MLXIP: variants seen among roughly 807,000 people sequenced by gnomAD.
MLXIP encodes MLX interacting protein.
A neutral mutation model predicts 87.2 loss-of-function variants in MLXIP; 30 were observed. The observed-to-expected ratio is 0.34, with a 90% CI of 0.26 to 0.47. The LOEUF (loss-of-function observed/expected upper bound fraction) is 0.47, where lower values mean the gene tolerates loss of function less well. Ranked by LOEUF, MLXIP falls within the 20% of genes least tolerant of loss-of-function variation. The pLI is 1.00. For missense variants in MLXIP, 1,002 were observed against 1,240.1 expected, an observed-to-expected ratio of 0.81 and a Z score of 2.88; for synonymous variants, 530 against 514.0, an observed-to-expected ratio of 1.03 and a Z score of -0.42.
At chr12:122,125,254 G>T (rs1188162731) in intron 1 of MLXIP, among the ~76,000 whole-genome samples, 1 of 150,322 alleles carries the variant, frequency 6.7e-6, no homozygotes, top group Non-Finnish European at 1.5e-5. Context: ...ATCGCTTGAA[G>T]CCAGGAGGCG....
Position 122,138,314 on chromosome 12 carries a change from G to A in MLXIP, c.2256+19G>A. 1.2e-6 allele frequency: 2 copies of A among 1,613,600 alleles called. No individual in the cohort carries two copies. Among genetic ancestry groups the A allele is most frequent in the Non-Finnish European group, 1.7e-6 (2 of 1,179,630 alleles). On this transcript the variant is annotated intron_variant, in intron 13 of 16. Coordinates refer to ENST00000319080, the MANE Select transcript of MLXIP (RefSeq NM_014938.6). ...CAAGCTGGTGAGTTGCCAAGAGCGT[G>A]GGCTGTGGCAGGGCAGGGGAGCTGG...
At position 122,142,325 on chromosome 12, in the gene MLXIP, A is replaced by C. The variant is rs1953224183; in HGVS notation, c.*513A>C. On this transcript the variant is annotated 3_prime_UTR_variant, in exon 17 of 17. Transcript: ENST00000319080. ...TCTTTCTCCCCTCAACTCTGACAGC[A>C]CCCAGCCCTTGTGGATGGACTTGGG... 1 of 633,892 alleles carries C rather than the reference A, an allele frequency of 1.6e-6. No individual in the cohort carries two copies. Among genetic ancestry groups the C allele is most frequent in the Non-Finnish European group, 2.9e-6 (1 of 340,996 alleles). The allele number at this position is 633,892 out of a possible 1,614,324, so 39.3% of individuals were successfully genotyped here.
intron 1 of MLXIP, among the ~76,000 whole-genome samples, chr12:122,110,813 C>T (rs905802152): frequency 6.6e-6 from 1 of 151,850 alleles, no homozygotes; most frequent in African/African-American, 2.4e-5. Context: ...CGCAGTGGCT[C>T]ACGCCTGTAA....
In MLXIP at chr12:122,142,065, T is replaced by C; in HGVS notation, c.*253T>C. On this transcript the variant is annotated 3_prime_UTR_variant, in exon 17 of 17. Coordinates refer to ENST00000319080, the MANE Select transcript of MLXIP (RefSeq NM_014938.6). ...AGTGACCTCAGTCACCAACCTCCTC[T>C]GCCCTCGGGGCAGCCCACACAAAAG... The C allele has an allele frequency of 1.5e-6, 1 of 674,862 alleles. No individual in the cohort carries two copies. Among genetic ancestry groups the C allele is most frequent in the Non-Finnish European group, 2.7e-6 (1 of 376,396 alleles). 41.8% of individuals were successfully genotyped at this position (674,862 alleles called of 1,614,324 possible).
At position 122,137,442 on chromosome 12, in the gene MLXIP, C is replaced by T. The variant is rs1346823975; in HGVS notation, c.2033-27C>T. 3 of 1,600,330 alleles carry T rather than the reference C, an allele frequency of 1.9e-6. No homozygotes were observed. Among genetic ancestry groups the T allele is most frequent in the Non-Finnish European group, 2.6e-6 (3 of 1,173,144 alleles). On this transcript the variant is annotated intron_variant, in intron 11 of 16. Coordinates refer to ENST00000319080, the MANE Select transcript of MLXIP (RefSeq NM_014938.6). The surrounding 1 kb of genome is among the most constrained non-coding windows in gnomAD (Gnocchi z 4.1). The stretch of plus-strand genomic sequence containing the variant: ...GTGGCGTTGAGGGGCCAGGCCTCCG[C>T]CCCTCAGAGGAGTCTGTTCTTACCA...
chr12:122,124,674 C>T (rs1007012469), intron 1 of MLXIP, among the ~76,000 whole-genome samples: 1 of 151,458 alleles, frequency 6.6e-6, no homozygotes, highest in Non-Finnish European at 1.5e-5. Context: ...TTGTTAAAAA[C>T]ATCATACCCT....
intron 1 of MLXIP, among the ~76,000 whole-genome samples, chr12:122,119,796 G>A (rs1952751264): frequency 6.6e-6 from 1 of 152,182 alleles, no homozygotes; most frequent in African/African-American, 2.4e-5. Flanking sequence ...TCACGTCTTT[G>A]TGCCCATGTG....
intron 1 of MLXIP, among the ~76,000 whole-genome samples, chr12:122,091,173 T>A (rs1165945331): frequency 6.6e-6 from 1 of 152,176 alleles, no homozygotes; most frequent in Non-Finnish European, 1.5e-5. Context: ...TTCAACATTA[T>A]CTTTAGGAAT....
intron 1 of MLXIP, among the ~76,000 whole-genome samples, chr12:122,110,859 C>T (rs568847949): frequency 1.3e-5 from 2 of 151,962 alleles, no homozygotes; most frequent in South Asian, 2.1e-4. Context: ...GGGCGGATCA[C>T]GAGGTCAGGA....
intron 2 of MLXIP, among the ~76,000 whole-genome samples, 188 bp from the exon 3 acceptor site, chr12:122,127,695 C>T (rs1254007243): frequency 6.6e-6 from 1 of 152,152 alleles, no homozygotes; most frequent in African/African-American, 2.4e-5. Flanking sequence ...CTGAGGCGTT[C>T]GTTATTGACA....
chr12:122,107,202 C>T (rs959803529), intron 1 of MLXIP, among the ~76,000 whole-genome samples: 11 of 152,234 alleles, frequency 7.2e-5, no homozygotes, highest in Non-Finnish European at 1.0e-4. Flanking sequence ...GGCATTTCCT[C>T]GTGGCGGGAG....
At position 122,078,764 on chromosome 12, in the gene MLXIP, C is replaced by CGCGGGCCGGGCCGGGCCG; in HGVS notation, c.-86_-69dup. 2.0e-6 allele frequency: 2 copies of CGCGGGCCGGGCCGGGCCG among 1,005,742 alleles called. No homozygotes were observed. Among genetic ancestry groups the CGCGGGCCGGGCCGGGCCG allele is most frequent in the Non-Finnish European group, 1.2e-6 (1 of 842,570 alleles). The allele number at this position is 1,005,742 out of a possible 1,614,324, so 62.3% of individuals were successfully genotyped here. A position where few individuals can be genotyped will look rare whatever the true frequency, so the allele number is the denominator to read the frequency against. ...GCCGCGCGCTCGCGGACAGTCGGCG[C>CGCGGGCCGGGCCGGGCCG]GCGGGCCGGGCCGGGCCGGCGCCCC... is the stretch of plus-strand genomic sequence containing the variant. On this transcript the variant is annotated 5_prime_UTR_variant, in exon 1 of 17. Coordinates refer to ENST00000319080, the MANE Select transcript of MLXIP (RefSeq NM_014938.6).
intron 15 of MLXIP, among the ~76,000 whole-genome samples, chr12:122,140,471 A>G (rs1403286812): frequency 1.3e-5 from 2 of 151,380 alleles, no homozygotes; most frequent in Non-Finnish European, 1.5e-5. Flanking sequence ...TAATTTTTGT[A>G]TTAGTAGAGA....
chr12:122,094,471 TG>T (rs1219870180), intron 1 of MLXIP, among the ~76,000 whole-genome samples: 7 of 129,910 alleles, frequency 5.4e-5, no homozygotes, highest in African/African-American at 1.8e-4. Flanking sequence ...GTGTGTGTGT[TG>T]GTGTGTGGGT....
intron 5 of MLXIP, 44 bp from the exon 6 acceptor site, chr12:122,129,897 T>A (rs764219017): frequency 3.2e-6 from 5 of 1,579,752 alleles, no homozygotes; most frequent in Non-Finnish European, 4.3e-6. Flanking sequence ...TTCGTCCCAC[T>A]GTTACTCTTT....
chr12:122,081,089 T>C (rs921298723), intron 1 of MLXIP, among the ~76,000 whole-genome samples: 3 of 152,198 alleles, frequency 2.0e-5, no homozygotes, highest in African/African-American at 7.2e-5. Flanking sequence ...AATGGCATTT[T>C]TTTTTTCATT....
chr12:122,107,444 A>T (rs975325517), intron 1 of MLXIP, among the ~76,000 whole-genome samples: 2 of 151,950 alleles, frequency 1.3e-5, no homozygotes, highest in Non-Finnish European at 2.9e-5. Flanking sequence ...AGGCTTGGCC[A>T]CAGTGGCCTA....
intron 1 of MLXIP, among the ~76,000 whole-genome samples, chr12:122,086,695 C>T (rs931311585): frequency 2.6e-5 from 4 of 152,122 alleles, no homozygotes; most frequent in East Asian, 3.9e-4. Flanking sequence ...TCTCTAGCCG[C>T]GTGGATCAGG....
At chr12:122,104,624 G>T (rs1354092781) in intron 1 of MLXIP, among the ~76,000 whole-genome samples, 2 of 143,284 alleles carry the variant, frequency 1.4e-5, no homozygotes, top group African/African-American at 5.2e-5. Flanking sequence ...GTCTCGCCCA[G>T]GCTGGAGTGC....
Sources: gnomAD v4.1 joint callset for allele counts (sites outside exome capture counted in the v4.1 genomes callset) on GRCh38, gnomAD v4.1.1 for gene constraint, Gnocchi (gnomAD v3.1) non-coding constraint, MANE v1.5 for transcripts, NCBI Gene and HGNC (gene_info 2026-07-23, HGNC 2026-07-21) for gene names.